The following PAK5 variants were observed in gnomAD, a reference collection of about 807,000 sequenced individuals.
PAK5 encodes the protein p21 (RAC1) activated kinase 5.
A neutral mutation model predicts 65.9 loss-of-function variants in PAK5; 16 were observed. The observed-to-expected ratio is 0.24, with a 90% confidence interval of 0.16 to 0.37. The LOEUF is 0.37. PAK5 is among the 10% of genes least tolerant of loss of function. The pLI, the probability that PAK5 is intolerant of heterozygous loss-of-function variation, is 1.00. For synonymous variants in PAK5, 371 were observed against 354.9 expected (o/e 1.05, Z -0.51); for missense variants, 785 against 903.9 (o/e 0.87, Z 1.69).
At chr20:9,768,040 A>G (rs1210370221) in intron 1 of PAK5, among the ~76,000 whole-genome samples, 7 of 152,204 alleles carry the variant, frequency 4.6e-5, no homozygotes, top group Admixed American at 4.6e-4. Flanking sequence ...TGATCTTTTA[A>G]AATCCTCTTA....
At chr20:9,662,820 A>G (rs534210356) in intron 2 of PAK5, among the ~76,000 whole-genome samples, 3 of 152,300 alleles carry the variant, frequency 2.0e-5, no homozygotes, top group South Asian at 4.1e-4. Context: ...AAATAGCATT[A>G]GCCTCACATC....
chr20:9,827,933 G>A (rs1170729859), intron 1 of PAK5, among the ~76,000 whole-genome samples: 1 of 152,206 alleles, frequency 6.6e-6, no homozygotes, highest in Non-Finnish European at 1.5e-5. Context: ...CCGGGTTCAA[G>A]CGATTCTCTT....
intron 1 of PAK5, among the ~76,000 whole-genome samples, chr20:9,799,936 C>A: frequency 5.2e-5 from 3 of 57,602 alleles, no homozygotes; most frequent in Non-Finnish European, 3.0e-5. Context: ...GAGACTCTGT[C>A]TCCAAAAAAA....
chr20:9,565,784 T>C (rs996581622), intron 5 of PAK5, 109 bp downstream of exon 5: 1 of 1,167,688 alleles, frequency 8.6e-7, no homozygotes, highest in Admixed American at 2.3e-5. Context: ...TTTTTGTCTT[T>C]ATATTTTCAG....
At chr20:9,567,485 C>T (rs374744810) in intron 4 of PAK5, among the ~76,000 whole-genome samples, 2 of 152,198 alleles carry the variant, frequency 1.3e-5, no homozygotes, top group African/African-American at 4.8e-5. Flanking sequence ...TTCTCAATCA[C>T]ACTAGTCACA....
chr20:9,784,038 T>A (rs1257129731), intron 1 of PAK5, among the ~76,000 whole-genome samples: 1 of 151,922 alleles, frequency 6.6e-6, no homozygotes, highest in African/African-American at 2.4e-5. Flanking sequence ...CATGAAATGT[T>A]AAAAAAAATA....
chr20:9,675,010 G>T (rs1011338591), intron 2 of PAK5, among the ~76,000 whole-genome samples: 4 of 152,158 alleles, frequency 2.6e-5, no homozygotes, highest in African/African-American at 9.7e-5. Context: ...CTGGGGATCT[G>T]GGTGAGCCAC....
chr20:9,775,906 A>G (rs1446349507), intron 1 of PAK5, among the ~76,000 whole-genome samples: 1 of 152,220 alleles, frequency 6.6e-6, no homozygotes, highest in African/African-American at 2.4e-5. Flanking sequence ...AATTCTTTAA[A>G]TCTAAGATAA....
At chr20:9,725,175 T>A (rs2048262031) in intron 1 of PAK5, among the ~76,000 whole-genome samples, 1 of 152,126 alleles carries the variant, frequency 6.6e-6, no homozygotes, top group African/African-American at 2.4e-5. Flanking sequence ...AAGTCTGCCT[T>A]TTATAAAGCT....
chr20:9,773,230 T>C (rs1357572842), intron 1 of PAK5, among the ~76,000 whole-genome samples: 1 of 152,170 alleles, frequency 6.6e-6, no homozygotes. Flanking sequence ...TGGTTCTCTT[T>C]AAGTTCTTTT....
intron 3 of PAK5, among the ~76,000 whole-genome samples, chr20:9,614,272 T>C (rs1003716940): frequency 6.6e-6 from 1 of 151,970 alleles, no homozygotes; most frequent in African/African-American, 2.4e-5. Flanking sequence ...GCTGAGGATA[T>C]CTCAATAGAA....
At chr20:9,756,374 A>T (rs1368036575) in intron 1 of PAK5, among the ~76,000 whole-genome samples, 1 of 152,074 alleles carries the variant, frequency 6.6e-6, no homozygotes, top group African/African-American at 2.4e-5. Context: ...TGTAGCTCAG[A>T]GGGTAATTGG....
In PAK5 at chr20:9,566,227, T is replaced by C. The variant is rs2045676824; in HGVS notation, c.1148A>G (p.Tyr383Cys). 6.2e-7 allele frequency: 1 copy of C among 1,613,812 alleles called. No individual in the cohort carries two copies. Among genetic ancestry groups the C allele is most frequent in the Non-Finnish European group, 8.5e-7 (1 of 1,179,938 alleles). ...ACTGCTCTGCAGGGAGGGGTGATGG[T>C]ACAAGGTGGCTTTGTGGTACCCAGA... is the stretch of plus-strand genomic sequence containing the variant. The part of the protein sequence containing the change: ...YPSGYHKATL[Y>C]HHPSLQSSSQ... Residue 383 changes from tyrosine (Y) to cysteine (C), a missense_variant, in exon 5 of 10, where the codon TAC becomes TGC. Tyr to Cys is a radical substitution (Grantham distance 194). Around this residue, in one of 4 missense-constraint regions of PAK5, gnomAD observed 422 missense variants for 413.3 expected, o/e 1.02. Coordinates refer to ENST00000353224, the MANE Select transcript of PAK5 (RefSeq NM_177990.4).
chr20:9,766,910 G>GT (rs34227748), intron 1 of PAK5, among the ~76,000 whole-genome samples: 122 of 149,510 alleles, frequency 8.2e-4, no homozygotes, highest in Middle Eastern at 3.5e-3. Flanking sequence ...TCATTAAAAT[G>GT]TTTTTTTTTT....
chr20:9,815,809 T>A (rs2049350518), intron 1 of PAK5, among the ~76,000 whole-genome samples: 1 of 152,230 alleles, frequency 6.6e-6, no homozygotes, highest in South Asian at 2.1e-4. Flanking sequence ...AATATGCTTC[T>A]ATTTCACATG....
At chr20:9,583,642 A>G (rs1443220195) in intron 3 of PAK5, among the ~76,000 whole-genome samples, 4 of 152,226 alleles carry the variant, frequency 2.6e-5, no homozygotes, top group Admixed American at 6.5e-5. Context: ...TTTTGAAACT[A>G]CGTACATTAA....
At chr20:9,712,760 A>G (rs2048093247) in intron 1 of PAK5, among the ~76,000 whole-genome samples, 1 of 152,196 alleles carries the variant, frequency 6.6e-6, no homozygotes, top group Non-Finnish European at 1.5e-5. Flanking sequence ...AAGAACATAC[A>G]TTGAGGAAAG....
chr20:9,690,750 C>CTT (rs112955560), intron 2 of PAK5, among the ~76,000 whole-genome samples: 3,536 of 103,830 alleles, frequency 0.034, 155 homozygotes, highest in African/African-American at 0.096. Flanking sequence ...TTCTTTCTTT[C>CTT]TTTTTTTTTT....
At chr20:9,738,895 G>GTT (rs36025576) in intron 1 of PAK5, among the ~76,000 whole-genome samples, 5 of 151,664 alleles carry the variant, frequency 3.3e-5, no homozygotes, top group Non-Finnish European at 7.4e-5. Context: ...TAAACATTCA[G>GTT]TTTTTTAGCT....
Sources: allele counts gnomAD v4.1 joint callset (sites outside exome capture counted in the v4.1 genomes callset), GRCh38; gene constraint gnomAD v4.1.1; regional missense constraint gnomAD v4.1.1; transcripts MANE v1.5; gene names NCBI Gene and HGNC (gene_info 2026-07-23, HGNC 2026-07-21).